The following CLEC4F variants were observed in gnomAD, a reference collection of about 807,000 sequenced individuals.
The protein encoded by CLEC4F is C-type (calcium dependent, carbohydrate-recognition domain) lectin, superfamily member 13.
CLEC4F carries 45 observed loss-of-function variants against 53.4 expected under a neutral mutation model. That is an observed-to-expected ratio of 0.84 (90% CI 0.66 to 1.08). CLEC4F has a LOEUF of 1.08. Among genes scored for constraint, CLEC4F ranks in the 50% least tolerant of loss-of-function variants. CLEC4F has a pLI of 0.00. For missense variants in CLEC4F, 753 were observed against 698.2 expected, an observed-to-expected ratio of 1.08 and a Z score of -0.88; for synonymous variants, 245 against 257.5, an observed-to-expected ratio of 0.95 and a Z score of 0.46.
intron 3 of CLEC4F, among the ~76,000 whole-genome samples, chr2:70,817,429 T>A (rs1026573791): frequency 6.6e-6 from 1 of 152,252 alleles, no homozygotes; most frequent in Admixed American, 6.5e-5. Context: ...TTTGTCGTTA[T>A]AATTGCTCAA....
chr2:70,809,318 A>C lies in CLEC4F; in HGVS notation c.1723T>G (p.Cys575Gly). ...CAGGGAGGGGTGTCTATGAAGCTGC[A>C]AGCTCCCATCCCAGAATTCACAATA... is the stretch of plus-strand genomic sequence containing the variant. ...YIIVNSGMGA[C>G]SFIDTPPCPW... The change falls in exon 7 of 7, where the codon TGC becomes GGC. Residue 575 changes from cysteine to glycine, a missense_variant. Physicochemically the swap from Cys to Gly is radical, Grantham distance 159. Coordinates refer to ENST00000272367, the MANE Select transcript of CLEC4F (RefSeq NM_173535.3). The C allele has an allele frequency of 6.2e-7, 1 of 1,613,938 alleles. No homozygotes were observed. Among genetic ancestry groups the C allele is most frequent in the Non-Finnish European group, 8.5e-7 (1 of 1,179,974 alleles).
intron 6 of CLEC4F, 143 bp from the exon 7 acceptor site, chr2:70,809,525 A>C: frequency 1.1e-6 from 1 of 929,376 alleles, no homozygotes; most frequent in Non-Finnish European, 1.6e-6. Context: ...ACGCACACAC[A>C]TCACACACAT....
upstream of CLEC4F, among the ~76,000 whole-genome samples, chr2:70,824,630 A>AAAAAAAAAAAAAAC: frequency 6.7e-6 from 1 of 149,122 alleles, no homozygotes; most frequent in Non-Finnish European, 1.5e-5. Flanking sequence ...ACCAAAAAAA[A>AAAAAAAAAAAAAAC]AAAAAAAAAA....
At chr2:70,822,229 G>A (rs1223052576), upstream of CLEC4F, among the ~76,000 whole-genome samples, 1 of 152,214 alleles carries the variant, frequency 6.6e-6, no homozygotes, top group Non-Finnish European at 1.5e-5. Context: ...CCCAGCGGGT[G>A]TCAGAGAATC....
At chr2:70,811,454 C>T in intron 5 of CLEC4F, 3 of 573,916 alleles carry the variant, frequency 5.2e-6, no homozygotes, top group South Asian at 4.5e-5. Context: ...TCAGCACTGC[C>T]ATCCCCTCTG....
upstream of CLEC4F, among the ~76,000 whole-genome samples, chr2:70,821,252 G>C (rs1250517844): frequency 5.9e-5 from 9 of 152,276 alleles, no homozygotes; most frequent in African/African-American, 2.2e-4. Flanking sequence ...TGGGTGACAG[G>C]AGTGTTTTTT....
At chr2:70,813,587 C>CTT (rs1676700438) in intron 4 of CLEC4F, among the ~76,000 whole-genome samples, 3 of 60,304 alleles carry the variant, frequency 5.0e-5, no homozygotes, top group Admixed American at 1.6e-4. Context: ...TTCTTTCTCT[C>CTT]TCTTTCTTTC....
In CLEC4F at chr2:70,816,128, C is replaced by T; in HGVS notation, c.1253G>A (p.Ser418Asn). 1.2e-6 allele frequency: 2 copies of T among 1,614,164 alleles called. No homozygotes were observed. The highest frequency in any genetic ancestry group is 1.7e-6 in the Non-Finnish European group (2 of 1,180,022). Residue 418 changes from serine (S) to asparagine (N), a missense_variant, in exon 4 of 7, where the codon AGT (serine) becomes AAT (asparagine). Coordinates refer to ENST00000272367, the MANE Select transcript of CLEC4F (RefSeq NM_173535.3). The stretch of plus-strand genomic sequence containing the variant: ...CCCTCTTAACCTCTGGATCTCGGCA[C>T]TGGCCTTCTGCAGATTGCTGTCTAA... The part of the protein sequence containing the change: ...QMLDSNLQKA[S>N]AEIQRLRGDL...
At position 70,808,675 on chromosome 2, in the gene CLEC4F, C is replaced by T. The variant is rs1277986792; in HGVS notation, c.*596G>A. On this transcript the variant is annotated 3_prime_UTR_variant, in exon 7 of 7. Coordinates refer to ENST00000272367, the MANE Select transcript of CLEC4F (RefSeq NM_173535.3). ...GATCCAGCGAGTATTTATTGAGGAC[C>T]TGCTGTCTGACAGGCCTGTGCTGGG... The T allele has an allele frequency of 5.4e-6, 1 of 184,058 alleles. No individual in the cohort carries two copies. The highest frequency in any genetic ancestry group is 1.1e-5 in the Non-Finnish European group (1 of 87,530). The allele number at this position is 184,058 out of a possible 1,614,324, so 11.4% of individuals were successfully genotyped here. A position where few individuals can be genotyped will look rare whatever the true frequency, so the allele number is the denominator to read the frequency against.
Position 70,816,625 on chromosome 2 carries a change from A to G in CLEC4F, c.756T>C (p.Ala252=), listed in dbSNP as rs2104662032. Reference sequence around the variant, plus strand: ...GATGGCCTCTCAAAACATAGATCTCAGCATTAGCGTTCTTTAAACTGCTAT... The same window carrying G: ...GATGGCCTCTCAAAACATAGATCTCGGCATTAGCGTTCTTTAAACTGCTAT... ...LANSSLKNAN[A]EIYVLRGHLD... The change falls in exon 4 of 7, where the codon GCT becomes GCC. Residue 252 remains alanine (A), a synonymous_variant. Transcript: ENST00000272367. 2 of 1,614,200 alleles carry G rather than the reference A, an allele frequency of 1.2e-6. No homozygotes were observed. The highest frequency in any genetic ancestry group is 1.7e-6 in the Non-Finnish European group (2 of 1,180,038).
chr2:70,811,971 G>A (rs539814370), intron 5 of CLEC4F, among the ~76,000 whole-genome samples: 29 of 152,218 alleles, frequency 1.9e-4, no homozygotes, highest in African/African-American at 5.3e-4. Context: ...ACAGCTACTT[G>A]GGGAGCTGAC....
chr2:70,810,981 T>G (rs1212659023), intron 5 of CLEC4F: 1 of 575,704 alleles, frequency 1.7e-6, no homozygotes, highest in African/African-American at 1.9e-5. Flanking sequence ...GTGAAAATAT[T>G]CTGTAAATTC....
At chr2:70,824,648 T>TAAAAAAAAAAAAAAAAAAAAA (rs1574389505), upstream of CLEC4F, among the ~76,000 whole-genome samples, 1 of 40,952 alleles carries the variant, frequency 2.4e-5, no homozygotes, top group Non-Finnish European at 5.8e-5. Flanking sequence ...AAAAAAAAAC[T>TAAAAAAAAAAAAAAAAAAAAA]GAGGGAAGTA....
At chr2:70,819,558 C>T in intron 2 of CLEC4F, 114 bp from the exon 3 acceptor site, 1 of 1,020,578 alleles carries the variant, frequency 9.8e-7, no homozygotes, top group Non-Finnish European at 1.5e-6. Flanking sequence ...CAAAGACCCT[C>T]CCAGGGTTTC....
chr2:70,808,844 C>A lies in CLEC4F; in HGVS notation c.*427G>T. The A allele has an allele frequency of 1.8e-6, 1 of 549,888 alleles. No individual in the cohort carries two copies. Among genetic ancestry groups the A allele is most frequent in the Non-Finnish European group, 3.3e-6 (1 of 305,798 alleles). 34.1% of individuals were successfully genotyped at this position (549,888 alleles called of 1,614,324 possible). On this transcript the variant is annotated 3_prime_UTR_variant, in exon 7 of 7. Coordinates refer to ENST00000272367, the MANE Select transcript of CLEC4F (RefSeq NM_173535.3). ...AAGGCCAACGGAAGGTCCCAGAGAACAAGCAGAGCTCAGAGGCTCCGAAGG... is the reference window on the plus strand; with the variant it reads ...AAGGCCAACGGAAGGTCCCAGAGAAAAAGCAGAGCTCAGAGGCTCCGAAGG...
chr2:70,820,352 A>C, intron 1 of CLEC4F, 111 bp downstream of exon 1: 1 of 895,840 alleles, frequency 1.1e-6, no homozygotes, highest in Non-Finnish European at 1.7e-6. Flanking sequence ...CCCCAAGGAC[A>C]AGGGTCTGGG....
Position 70,816,374 on chromosome 2 carries a change from C to G in CLEC4F, c.1007G>C (p.Arg336Thr). ...CTGGGCTGTGACCATTTTCAAATCCCTTTTTAACACGTGAATTTCATCACC... is the reference window on the plus strand; with the variant it reads ...CTGGGCTGTGACCATTTTCAAATCCGTTTTTAACACGTGAATTTCATCACC... ...RAGDEIHVLK[R>T]DLKMVTAQTQ... Residue 336 changes from arginine (R) to threonine (T), a missense_variant, in exon 4 of 7, where the codon AGG (arginine) becomes ACG (threonine). Arg to Thr is a moderately conservative substitution (Grantham distance 71). Transcript: ENST00000272367. The G allele has an allele frequency of 6.2e-7, 1 of 1,613,926 alleles. No individual in the cohort carries two copies. The highest frequency in any genetic ancestry group is 1.3e-5 in the African/African-American group (1 of 75,016).
At chr2:70,811,190 T>C (rs1553394151) in intron 5 of CLEC4F, 1 of 712,990 alleles carries the variant, frequency 1.4e-6, no homozygotes, top group Non-Finnish European at 2.5e-6. Flanking sequence ...TGAGTACAAG[T>C]ATCTGGATGG....
chr2:70,823,809 A>G (rs1466781102), upstream of CLEC4F, among the ~76,000 whole-genome samples: 1 of 152,162 alleles, frequency 6.6e-6, no homozygotes, highest in African/African-American at 2.4e-5. Flanking sequence ...CAGGTGGATC[A>G]CTTGAGGCCA....
Sources: allele counts gnomAD v4.1 joint callset (sites outside exome capture counted in the v4.1 genomes callset), GRCh38; gene constraint gnomAD v4.1.1; transcripts MANE v1.5; gene names NCBI Gene and HGNC (gene_info 2026-07-23, HGNC 2026-07-21).